The following IFNAR2 variants were observed in gnomAD, a reference collection of about 807,000 sequenced individuals.
IFNAR2 encodes interferon alpha/beta receptor 2.
IFNAR2 carries 30 observed loss-of-function variants against 49.4 expected under a neutral mutation model. The ratio of observed to expected loss-of-function variants is 0.61; its 90% CI spans 0.45 to 0.82. The LOEUF (loss-of-function observed/expected upper bound fraction) is 0.82. Ranked by LOEUF, IFNAR2 falls within the 40% of genes least tolerant of loss-of-function variation. The pLI is 0.00. For missense variants in IFNAR2, 600 were observed against 622.7 expected (o/e 0.96, Z 0.39); for synonymous variants, 224 against 234.5 (o/e 0.96, Z 0.41).
At chr21:33,231,701 C>T in intron 1 of IFNAR2, 1 of 984,090 alleles carries the variant, frequency 1.0e-6, no homozygotes, top group Non-Finnish European at 1.2e-6. Flanking sequence ...TATGTATCAT[C>T]TTCCGTTATC....
intron 7 of IFNAR2, among the ~76,000 whole-genome samples, chr21:33,256,055 A>G (rs1017119745): frequency 7.9e-5 from 12 of 152,230 alleles, no homozygotes; most frequent in African/African-American, 2.9e-4. Context: ...TAAAAACTGA[A>G]ATTAGTGACC....
chr21:33,233,252 T>C (rs1285131874), intron 1 of IFNAR2, among the ~76,000 whole-genome samples: 1 of 152,022 alleles, frequency 6.6e-6, no homozygotes, highest in African/African-American at 2.4e-5. Flanking sequence ...GCCCAGTAAA[T>C]TCAACTGAAA....
In IFNAR2 at chr21:33,229,939, T is replaced by G; in HGVS notation, c.-361T>G. ...CGGCGGCGCGGCGCCCGCGCTTCCGTATCGCTCCTCGTAGGCCGGGGCTCG... is the reference window on the plus strand; with the variant it reads ...CGGCGGCGCGGCGCCCGCGCTTCCGGATCGCTCCTCGTAGGCCGGGGCTCG... On this transcript the variant is annotated 5_prime_UTR_variant, in exon 1 of 9. Transcript: ENST00000342136. 4.1e-6 allele frequency: 4 copies of G among 982,462 alleles called. No homozygotes were observed. The highest frequency in any genetic ancestry group is 4.8e-6 in the Non-Finnish European group (4 of 828,774). The allele number at this position is 982,462 out of a possible 1,614,324, so 60.9% of individuals were successfully genotyped here.
rs551654584 is a variant in IFNAR2 at position 33,243,905 on chromosome 21, C to G, written c.97+191C>G. Among the ~76,000 whole-genome samples, 172 of 152,220 alleles carry G rather than the reference C, an allele frequency of 1.1e-3. No individual in the cohort carries two copies. Among genetic ancestry groups the G allele is most frequent in the Non-Finnish European group, 1.9e-3 (129 of 68,018 alleles). On this transcript the variant is annotated intron_variant, in intron 3 of 8. Transcript: ENST00000342136. ...GTTTTTTGAGAGATACAAAACTAGTCTAAGAAATGAACACTAGAGATCATT... is the reference window on the plus strand; with the variant it reads ...GTTTTTTGAGAGATACAAAACTAGTGTAAGAAATGAACACTAGAGATCATT...
chr21:33,265,162 ATC>A lies in IFNAR2; in HGVS notation c.*1665_*1666del, dbSNP rs1988881642. On this transcript the variant is annotated 3_prime_UTR_variant, in exon 9 of 9. Coordinates refer to ENST00000342136, the MANE Select transcript of IFNAR2 (RefSeq NM_001289125.3). ...TGAAGTAAAAGGATTGGACTAGGTA[ATC>A]TCCAAGATCCTAGGAACCCAGGAGA... 1 of 152,090 alleles carries A rather than the reference ATC, an allele frequency of 6.6e-6. No homozygotes were observed. Among genetic ancestry groups the A allele is most frequent in the African/African-American group, 2.4e-5 (1 of 41,384 alleles). 9.4% of individuals were successfully genotyped at this position (152,090 alleles called of 1,614,324 possible). A position where few individuals can be genotyped will look rare whatever the true frequency, so the allele number is the denominator to read the frequency against.
intron 6 of IFNAR2, chr21:33,252,209 A>T: frequency 2.1e-6 from 1 of 469,698 alleles, no homozygotes; most frequent in Non-Finnish European, 4.4e-6. Flanking sequence ...GAAGTTACTT[A>T]GCCACACTGA....
At chr21:33,253,681 G>T (rs1436181386) in intron 7 of IFNAR2, among the ~76,000 whole-genome samples, 1 of 152,174 alleles carries the variant, frequency 6.6e-6, no homozygotes, top group African/African-American at 2.4e-5. Context: ...GAGGGCTGCT[G>T]GTTGCCCATT....
At position 33,243,181 on chromosome 21, in the gene IFNAR2, C is replaced by T. The variant is rs144683777; in HGVS notation, c.56-492C>T. Among the ~76,000 whole-genome samples, 655 of 151,928 alleles carry T rather than the reference C, an allele frequency of 4.3e-3. 3 individuals are homozygous for T. In the East Asian group the frequency reaches 0.052, roughly 12 times the overall value. Reference sequence around the variant, plus strand: ...CACTGCAGCCTCCGCCTCCTGGGTTCGAGCTATTCTCCTGCCTTAGCCTCC... The same window carrying T: ...CACTGCAGCCTCCGCCTCCTGGGTTTGAGCTATTCTCCTGCCTTAGCCTCC... On this transcript the variant is annotated intron_variant, in intron 2 of 8. Coordinates refer to ENST00000342136, the MANE Select transcript of IFNAR2 (RefSeq NM_001289125.3).
intron 3 of IFNAR2, 115 bp downstream of exon 3, chr21:33,243,829 G>A: frequency 1.2e-6 from 1 of 809,856 alleles, no homozygotes; most frequent in Middle Eastern, 2.3e-4. Flanking sequence ...TCTGTTGCCT[G>A]TTTTATTGGG....
chr21:33,237,260 G>A (rs1225478244), intron 1 of IFNAR2, among the ~76,000 whole-genome samples: 1 of 152,130 alleles, frequency 6.6e-6, no homozygotes, highest in Non-Finnish European at 1.5e-5. Flanking sequence ...GGCTGGGCAT[G>A]GTGGCTCACA....
intron 6 of IFNAR2, among the ~76,000 whole-genome samples, chr21:33,250,557 G>T (rs183761038): frequency 7.2e-5 from 11 of 152,280 alleles, no homozygotes; most frequent in African/African-American, 2.6e-4. Flanking sequence ...TTGTTTTTGA[G>T]ATGGAGTTTT....
chr21:33,247,601 C>G (rs1474579362), intron 5 of IFNAR2, among the ~76,000 whole-genome samples: 1 of 152,126 alleles, frequency 6.6e-6, no homozygotes, highest in Non-Finnish European at 1.5e-5. Flanking sequence ...ACCCAATGTT[C>G]TTTTGTGTGT....
intron 4 of IFNAR2, among the ~76,000 whole-genome samples, chr21:33,246,349 C>T (rs17860200): frequency 0.022 from 3,416 of 152,278 alleles, 145 homozygotes; most frequent in African/African-American, 0.078. Context: ...GGATTACAGA[C>T]GTGAGCCACT....
chr21:33,257,702 C>G (rs1439064598), intron 7 of IFNAR2, among the ~76,000 whole-genome samples: 1 of 152,156 alleles, frequency 6.6e-6, no homozygotes, highest in Non-Finnish European at 1.5e-5. Flanking sequence ...TCCCTAAGTC[C>G]TCACTCCACC....
rs551987115 is a variant in IFNAR2 at position 33,241,807 on chromosome 21, A to G, written c.-83-33A>G. On this transcript the variant is annotated intron_variant, in intron 1 of 8. Transcript: ENST00000342136. ...TACTATTCCTTACAGGTCTCTCATT[A>G]TCTTGTCTTTGCTCCCATTTTTATA... is the stretch of plus-strand genomic sequence containing the variant. The G allele has an allele frequency of 7.8e-5, 117 of 1,506,032 alleles. No individual in the cohort carries two copies. In the Admixed American group the frequency reaches 1.6e-3, roughly 20 times the overall value. 93.3% of individuals were successfully genotyped at this position (1,506,032 alleles called of 1,614,324 possible).
intron 6 of IFNAR2, chr21:33,252,206 C>T (rs1315391142): frequency 2.1e-6 from 1 of 470,434 alleles, no homozygotes. Flanking sequence ...GGAGAAGTTA[C>T]TTAGCCACAC....
rs1166605416 is a variant in IFNAR2 at position 33,246,864 on chromosome 21, C to T, written c.368C>T (p.Ser123Leu). ...GGGAACACAACGTTGTTCAGTTGCT[C>T]ACACAATTTCTGGCTGGCCATAGAC... ...FSGNTTLFSC[S>L]HNFWLAIDMS... Residue 123 changes from serine (S) to leucine (L), a missense_variant, in exon 5 of 9, where the codon TCA becomes TTA. By Grantham distance (145) the Ser-to-Leu change is moderately radical (BLOSUM62 -2). Coordinates refer to ENST00000342136, the MANE Select transcript of IFNAR2 (RefSeq NM_001289125.3). 3.7e-6 allele frequency: 6 copies of T among 1,614,140 alleles called. No homozygotes were observed. Among genetic ancestry groups the T allele is most frequent in the East Asian group, 2.2e-5 (1 of 44,894 alleles).
chr21:33,252,633 T>G, intron 6 of IFNAR2, 29 bp from the exon 7 acceptor site: 1 of 1,601,036 alleles, frequency 6.2e-7, no homozygotes, highest in Non-Finnish European at 8.5e-7. Flanking sequence ...AAATTCTCAG[T>G]CTTACTGATT....
Position 33,230,157 on chromosome 21 carries a change from G to A in IFNAR2, c.-143G>A, listed in dbSNP as rs1985928118. 1.0e-6 allele frequency: 1 copy of A among 998,662 alleles called. No homozygotes were observed. The highest frequency in any genetic ancestry group is 1.2e-6 in the Non-Finnish European group (1 of 836,910). The allele number at this position is 998,662 out of a possible 1,614,324, so 61.9% of individuals were successfully genotyped here. Reference sequence around the variant, plus strand: ...ACCGCGAGCGTCGGGTCCCAGAGCCGGGCGCGGCTGGGGCCCGAGGCTAGC... The same window carrying A: ...ACCGCGAGCGTCGGGTCCCAGAGCCAGGCGCGGCTGGGGCCCGAGGCTAGC... On this transcript the variant is annotated 5_prime_UTR_variant, in exon 1 of 9. Transcript: ENST00000342136. The surrounding 1 kb of genome is among the most constrained non-coding windows in gnomAD (Gnocchi z 5.5).
Sources: gnomAD v4.1 joint callset for allele counts (sites outside exome capture counted in the v4.1 genomes callset) on GRCh38, gnomAD v4.1.1 for gene constraint, Gnocchi (gnomAD v3.1) non-coding constraint, MANE v1.5 for transcripts, NCBI Gene and HGNC (gene_info 2026-07-23, HGNC 2026-07-21) for gene names.